The following R3HDM2 variants were observed in gnomAD, a reference collection of about 807,000 sequenced individuals.
The protein encoded by R3HDM2 is R3H domain-containing protein 2.
A neutral mutation model predicts 124.5 loss-of-function variants in R3HDM2; 38 were observed. That is an observed-to-expected ratio of 0.31 (90% confidence interval 0.24 to 0.40). The LOEUF is 0.40. R3HDM2 is among the 10% of genes least tolerant of loss of function. The pLI is 1.00. For synonymous variants in R3HDM2, 391 were observed against 448.0 expected (o/e 0.87, Z 1.61); for missense variants, 869 against 1,236.9 (o/e 0.70, Z 4.46).
chr12:57,343,702 G>T (rs975390642), intron 2 of R3HDM2, among the ~76,000 whole-genome samples: 22 of 149,714 alleles, frequency 1.5e-4, no homozygotes, highest in African/African-American at 5.4e-4. Flanking sequence ...TATTACTATG[G>T]ACAGGAACTA....
intron 19 of R3HDM2, among the ~76,000 whole-genome samples, chr12:57,264,269 A>C (rs1430634906): frequency 6.9e-6 from 1 of 144,942 alleles, no homozygotes; most frequent in Admixed American, 6.9e-5. Context: ...CTTCCTTCCC[A>C]GCTGGGCTGG....
At chr12:57,352,793 G>A (rs944020848) in intron 2 of R3HDM2, among the ~76,000 whole-genome samples, 1 of 151,916 alleles carries the variant, frequency 6.6e-6, no homozygotes. Flanking sequence ...GGCATCCAAG[G>A]CATAAGCTTC....
intron 2 of R3HDM2, among the ~76,000 whole-genome samples, chr12:57,381,277 G>T (rs940848951): frequency 6.6e-6 from 1 of 151,366 alleles, no homozygotes; most frequent in African/African-American, 2.4e-5. Context: ...AATGAGGCCG[G>T]GCACGGTGGC....
intron 2 of R3HDM2, among the ~76,000 whole-genome samples, chr12:57,322,525 C>T (rs770140758): frequency 2.0e-5 from 3 of 152,148 alleles, no homozygotes; most frequent in Non-Finnish European, 4.4e-5. Flanking sequence ...TCATATCCAC[C>T]AAGTGCAGCT....
intron 10 of R3HDM2, among the ~76,000 whole-genome samples, chr12:57,294,469 G>C (rs984984673): frequency 6.6e-6 from 1 of 152,020 alleles, no homozygotes; most frequent in Non-Finnish European, 1.5e-5. Context: ...ATAGATAATG[G>C]CACTTTTCTC....
intron 17 of R3HDM2, 174 bp from the exon 18 acceptor site, chr12:57,268,631 C>T (rs2042970451): frequency 2.6e-6 from 2 of 768,024 alleles, no homozygotes; most frequent in Non-Finnish European, 4.1e-6. Flanking sequence ...TCTATTTCTG[C>T]CTTCTTCAAA....
chr12:57,332,881 G>C (rs1482841601), intron 2 of R3HDM2, among the ~76,000 whole-genome samples: 1 of 152,186 alleles, frequency 6.6e-6, no homozygotes, highest in African/African-American at 2.4e-5. Flanking sequence ...TAGCTCAAAA[G>C]AAAGGAATAA....
intron 2 of R3HDM2, among the ~76,000 whole-genome samples, chr12:57,368,316 C>G (rs1236349263): frequency 1.3e-5 from 2 of 152,102 alleles, no homozygotes; most frequent in Non-Finnish European, 2.9e-5. Context: ...TTAGTTAGGC[C>G]TAACACTTCA....
At chr12:57,422,423 G>C (rs1190016938) in intron 1 of R3HDM2, among the ~76,000 whole-genome samples, 2 of 152,124 alleles carry the variant, frequency 1.3e-5, no homozygotes, top group African/African-American at 4.8e-5. Context: ...ATTCCGTGCA[G>C]TTTGGCAAAG....
intron 1 of R3HDM2, among the ~76,000 whole-genome samples, chr12:57,407,623 T>C (rs1046610761): frequency 2.0e-5 from 3 of 151,976 alleles, no homozygotes; most frequent in African/African-American, 7.2e-5. Context: ...GCCAGGCTGG[T>C]CTTGAACTCC....
At chr12:57,301,118 CAAAAAAT>C (rs761423564) in intron 4 of R3HDM2, among the ~76,000 whole-genome samples, 67 of 150,180 alleles carry the variant, frequency 4.5e-4, no homozygotes, top group Non-Finnish European at 8.6e-4. Flanking sequence ...AACCAAAAAA[CAAAAAAT>C]AAAAAAAAAT....
intron 2 of R3HDM2, 117 bp from the exon 3 acceptor site, chr12:57,310,580 G>C (rs1161242723): frequency 2.1e-6 from 1 of 469,486 alleles, no homozygotes; most frequent in Non-Finnish European, 3.4e-6. Context: ...ACCCAGAAAA[G>C]AGTTATTTAA....
intron 14 of R3HDM2, chr12:57,272,528 C>T (rs763540537): frequency 4.1e-5 from 59 of 1,445,818 alleles, no homozygotes; most frequent in African/African-American, 2.6e-4. Context: ...GAACAGGCTG[C>T]GGAGAGGGCT....
At chr12:57,288,809 A>C (rs1395421404) in intron 12 of R3HDM2, 200 bp downstream of exon 12, 12 of 1,467,526 alleles carry the variant, frequency 8.2e-6, no homozygotes, top group African/African-American at 2.8e-5. Flanking sequence ...CAGCAAAACA[A>C]AATAAAATTA....
chr12:57,292,536 AGCTATGG>A, intron 11 of R3HDM2, 29 bp downstream of exon 11: 1 of 1,395,814 alleles, frequency 7.2e-7, no homozygotes, highest in Non-Finnish European at 9.9e-7. Flanking sequence ...AAGAGCTAAA[AGCTATGG>A]GCTGACAACT....
At chr12:57,369,035 A>G (rs902768404) in intron 2 of R3HDM2, among the ~76,000 whole-genome samples, 5 of 152,184 alleles carry the variant, frequency 3.3e-5, no homozygotes, top group Admixed American at 6.5e-5. Flanking sequence ...ATTCTAATAT[A>G]GAAGGATTAG....
intron 2 of R3HDM2, among the ~76,000 whole-genome samples, chr12:57,366,590 T>C (rs2062688476): frequency 6.6e-6 from 1 of 152,242 alleles, no homozygotes; most frequent in Admixed American, 6.5e-5. Flanking sequence ...TGATGCTTTG[T>C]ATACCTGATA....
intron 2 of R3HDM2, among the ~76,000 whole-genome samples, chr12:57,387,224 C>T (rs566518816): frequency 6.6e-6 from 1 of 152,206 alleles, no homozygotes; most frequent in East Asian, 1.9e-4. Flanking sequence ...TTTGTTCTTT[C>T]GCTCTTTGCA....
At chr12:57,294,698 T>C (rs148677011) in intron 10 of R3HDM2, among the ~76,000 whole-genome samples, 2 of 152,328 alleles carry the variant, frequency 1.3e-5, no homozygotes, top group African/African-American at 4.8e-5. Context: ...TCTTCTTAGC[T>C]AACCCGCAAA....
Sources: gnomAD v4.1 joint callset for allele counts (sites outside exome capture counted in the v4.1 genomes callset) on GRCh38, gnomAD v4.1.1 for gene constraint, MANE v1.5 for transcripts, NCBI Gene and HGNC (gene_info 2026-07-23, HGNC 2026-07-21) for gene names.